RUFY1: variants seen among roughly 807,000 people sequenced by gnomAD.
RUFY1 encodes RUN and FYVE domain containing 1.
Under a neutral mutation model 94.6 loss-of-function variants are expected in RUFY1, and 54 were observed. That is an observed-to-expected ratio of 0.57 (90% CI 0.46 to 0.72). The LOEUF is 0.72. RUFY1 is among the 30% of genes least tolerant of loss of function. The probability of loss-of-function intolerance (pLI) is 0.00; values close to 1 mark genes in which losing one functional copy is unlikely to be tolerated. For synonymous variants in RUFY1, 396 were observed against 347.3 expected (o/e 1.14, Z -1.56); for missense variants, 883 against 883.9 (o/e 1.00, Z 0.01).
rs1763056828 is a variant in RUFY1 at position 179,569,414 on chromosome 5, T to C, written c.817T>C (p.Leu273=). The change falls in exon 5 of 18, where the codon TTG becomes CTG. Residue 273 remains leucine, a synonymous_variant. Transcript: ENST00000319449. The stretch of plus-strand genomic sequence containing the variant: ...CAATCTCTGCTTGAAAGGAGAAGAC[T>C]TGGATTCTCAGGTAAAATGAAATTT... ...DANLCLKGED[L]DSQVGVIDFS... is the part of the protein sequence containing the mutation. The C allele has an allele frequency of 6.2e-7, 1 of 1,613,454 alleles. No homozygotes were observed. Among genetic ancestry groups the C allele is most frequent in the Admixed American group, 1.7e-5 (1 of 59,888 alleles).
intron 5 of RUFY1, among the ~76,000 whole-genome samples, chr5:179,576,612 G>A (rs893824502): frequency 6.6e-6 from 1 of 151,876 alleles, no homozygotes; most frequent in African/African-American, 2.4e-5. Flanking sequence ...GTAGAGACAG[G>A]GTTTCACCAT....
rs1766824557 is a variant in RUFY1, at chr5:179,604,479, C to T, written c.1857-1397C>T. 2.0e-5 allele frequency among the ~76,000 whole-genome samples: 3 copies of T among 152,308 alleles called. No homozygotes were observed. The South Asian group carries it at 6.2e-4, about 32-fold the overall frequency. On this transcript the variant is annotated intron_variant, in intron 15 of 17. Coordinates refer to ENST00000319449, the MANE Select transcript of RUFY1 (RefSeq NM_025158.5). Reference sequence around the variant, plus strand: ...TCTTCTCATCCTGTCAATCTGCTGGCCTATTTCCTGTTTCTGCAGCCGGAC... The same window carrying T: ...TCTTCTCATCCTGTCAATCTGCTGGTCTATTTCCTGTTTCTGCAGCCGGAC...
chr5:179,570,642 CA>C (rs1763158490), intron 5 of RUFY1, among the ~76,000 whole-genome samples: 1 of 152,132 alleles, frequency 6.6e-6, no homozygotes, highest in Non-Finnish European at 1.5e-5. Context: ...GTAGCTGGGC[CA>C]CTGCCCAGAA....
At chr5:179,598,879 A>T (rs1287040278) in intron 14 of RUFY1, 58 bp downstream of exon 14, 2 of 1,598,114 alleles carry the variant, frequency 1.3e-6, no homozygotes, top group Non-Finnish European at 1.7e-6. Context: ...AACCCCTAAC[A>T]TGCTCCGGGC....
chr5:179,608,459 T>G, intron 17 of RUFY1: 1 of 985,542 alleles, frequency 1.0e-6, no homozygotes, highest in Admixed American at 6.1e-5. Context: ...AAGCAGAGGC[T>G]GCACAGGTGC....
At chr5:179,551,287 TCCG>T (rs1761832758) in intron 1 of RUFY1, among the ~76,000 whole-genome samples, 1 of 152,224 alleles carries the variant, frequency 6.6e-6, no homozygotes, top group Non-Finnish European at 1.5e-5. Flanking sequence ...CAGCGGCGCC[TCCG>T]CTCACCTCTG....
intron 6 of RUFY1, among the ~76,000 whole-genome samples, chr5:179,580,552 G>T (rs201818046): frequency 4.8e-5 from 7 of 145,288 alleles, no homozygotes; most frequent in East Asian, 2.0e-4. Context: ...AGTTTTTTTT[G>T]TTTTTTTTTT....
intron 6 of RUFY1, among the ~76,000 whole-genome samples, chr5:179,577,530 C>T (rs989745328): frequency 2.0e-5 from 3 of 147,132 alleles, no homozygotes; most frequent in Non-Finnish European, 3.0e-5. Flanking sequence ...GCCGGGTCTC[C>T]GGACGGAAAT....
intron 3 of RUFY1, among the ~76,000 whole-genome samples, chr5:179,566,274 C>A (rs1361159116): frequency 1.3e-5 from 2 of 149,940 alleles, no homozygotes; most frequent in Non-Finnish European, 3.0e-5. Context: ...CTCTTCTTTT[C>A]TTTCTTTTCT....
At chr5:179,601,532 T>A (rs1275056214) in intron 14 of RUFY1, among the ~76,000 whole-genome samples, 1 of 151,196 alleles carries the variant, frequency 6.6e-6, no homozygotes, top group African/African-American at 2.4e-5. Flanking sequence ...CTTTTTTTTT[T>A]TTTTAAAGGC....
chr5:179,557,737 A>G (rs1463152031), intron 1 of RUFY1, among the ~76,000 whole-genome samples: 1 of 152,094 alleles, frequency 6.6e-6, no homozygotes, highest in Non-Finnish European at 1.5e-5. Flanking sequence ...ATTTGTAGGG[A>G]GAAAAATTTA....
At position 179,574,141 on chromosome 5, in the gene RUFY1, A is replaced by G. The variant is rs550730748; in HGVS notation, c.829-2934A>G. On this transcript the variant is annotated intron_variant, in intron 5 of 17. Coordinates refer to ENST00000319449, the MANE Select transcript of RUFY1 (RefSeq NM_025158.5). ...TGGAAGGCCGGGCGTGGTGGCTCACACTCCCAGCACTTTGGGAGGCCGAAG... is the reference window on the plus strand; with the variant it reads ...TGGAAGGCCGGGCGTGGTGGCTCACGCTCCCAGCACTTTGGGAGGCCGAAG... 9.9e-5 allele frequency among the ~76,000 whole-genome samples: 15 copies of G among 151,672 alleles called. 1 individual carries two copies. The highest frequency in any genetic ancestry group is 9.9e-4 in the Admixed American group (15 of 15,186).
intron 6 of RUFY1, among the ~76,000 whole-genome samples, chr5:179,580,521 C>T (rs1764071547): frequency 6.6e-6 from 1 of 151,068 alleles, no homozygotes; most frequent in Non-Finnish European, 1.5e-5. Context: ...GGATTACAGG[C>T]GTGAGCCACC....
intron 5 of RUFY1, among the ~76,000 whole-genome samples, chr5:179,575,886 A>G (rs966184292): frequency 7.2e-5 from 11 of 151,852 alleles, no homozygotes; most frequent in African/African-American, 1.5e-4. Context: ...GGCTCAAGCA[A>G]TCCTCTCACC....
chr5:179,552,236 G>A (rs1351801714), intron 1 of RUFY1, among the ~76,000 whole-genome samples: 3 of 150,504 alleles, frequency 2.0e-5, no homozygotes, highest in Admixed American at 6.6e-5. Flanking sequence ...AGTAGCCTGT[G>A]TGTGGCCAGT....
intron 1 of RUFY1, among the ~76,000 whole-genome samples, chr5:179,553,490 T>G (rs946232142): frequency 6.6e-6 from 1 of 152,034 alleles, no homozygotes; most frequent in Non-Finnish European, 1.5e-5. Context: ...CCCATATGGA[T>G]TTAAAAAACT....
intron 17 of RUFY1, among the ~76,000 whole-genome samples, chr5:179,609,155 T>C (rs545060605): frequency 1.1e-4 from 15 of 136,716 alleles, no homozygotes; most frequent in Non-Finnish European, 2.1e-4. Flanking sequence ...TGCAGTGAGC[T>C]GAGATCGCGC....
intron 3 of RUFY1, among the ~76,000 whole-genome samples, chr5:179,565,160 T>C (rs962135525): frequency 7.4e-6 from 1 of 134,678 alleles, no homozygotes; most frequent in Non-Finnish European, 1.5e-5. Flanking sequence ...ACTTTCTAGG[T>C]TTTCTTTTTT....
chr5:179,580,241 G>GTGTGTGTATATATATATA (rs149099074), intron 6 of RUFY1, among the ~76,000 whole-genome samples: 1 of 93,848 alleles, frequency 1.1e-5, no homozygotes, highest in Non-Finnish European at 2.3e-5. Context: ...GTGTGTGTGT[G>GTGTGTGTATATATATATA]TATATTTTTT....
Sources: gnomAD v4.1 joint callset for allele counts (sites outside exome capture counted in the v4.1 genomes callset) on GRCh38, gnomAD v4.1.1 for gene constraint, MANE v1.5 for transcripts, NCBI Gene and HGNC (gene_info 2026-07-23, HGNC 2026-07-21) for gene names.